The following B3GLCT variants were observed in gnomAD, a reference collection of about 807,000 sequenced individuals.
B3GLCT encodes the protein beta 3-glucosyltransferase.
A neutral mutation model predicts 63.4 loss-of-function variants in B3GLCT; 65 were observed. The observed-to-expected ratio is 1.03, with a 90% CI of 0.84 to 1.26. The LOEUF (loss-of-function observed/expected upper bound fraction) is 1.26, where lower values mean the gene tolerates loss of function less well. Ranked by LOEUF, B3GLCT falls within the 50% of genes most tolerant of loss-of-function variation. The probability of loss-of-function intolerance (pLI) is 0.00; values close to 1 mark genes in which losing one functional copy is unlikely to be tolerated. For synonymous variants in B3GLCT, 233 were observed against 219.2 expected (o/e 1.06, Z -0.55); for missense variants, 577 against 604.8 (o/e 0.95, Z 0.48).
At chr13:31,241,647 C>T (rs1190856946) in intron 4 of B3GLCT, among the ~76,000 whole-genome samples, 1 of 152,176 alleles carries the variant, frequency 6.6e-6, no homozygotes, top group Non-Finnish European at 1.5e-5. Flanking sequence ...GCAAGGAAAG[C>T]TGTGACCCCA....
intron 4 of B3GLCT, among the ~76,000 whole-genome samples, chr13:31,237,409 A>G (rs971143308): frequency 6.4e-5 from 9 of 140,040 alleles, no homozygotes; most frequent in Admixed American, 6.0e-4. Context: ...GCTGGAGTGC[A>G]GTGGTGCGAT....
intron 14 of B3GLCT, among the ~76,000 whole-genome samples, chr13:31,329,261 C>T (rs1875791632): frequency 6.6e-6 from 1 of 152,126 alleles, no homozygotes; most frequent in Non-Finnish European, 1.5e-5. Flanking sequence ...AGAGGCAAGA[C>T]TATGGAACAT....
chr13:31,320,577 G>A lies in B3GLCT; in HGVS notation c.1184+2892G>A, dbSNP rs138929326. 5.2e-3 allele frequency among the ~76,000 whole-genome samples: 790 copies of A among 152,234 alleles called. 5 individuals carry two copies. The highest frequency in any genetic ancestry group is 0.015 in the South Asian group (71 of 4,822). On this transcript the variant is annotated intron_variant, in intron 13 of 14. Transcript: ENST00000343307. ...CTGTTATTTGAATATTTTTATTTGA[G>A]TGTTACCATGGCATGAAAGTCTTTT...
At chr13:31,206,584 CAA>C (rs11322955) in intron 1 of B3GLCT, among the ~76,000 whole-genome samples, 397 of 118,652 alleles carry the variant, frequency 3.3e-3, no homozygotes, top group Middle Eastern at 4.2e-3. Context: ...ACTAAAAATG[CAA>C]AAAAAAAAAA....
intron 10 of B3GLCT, among the ~76,000 whole-genome samples, chr13:31,281,552 T>G (rs1873069842): frequency 6.6e-6 from 1 of 152,172 alleles, no homozygotes; most frequent in Non-Finnish European, 1.5e-5. Context: ...CCCTGGCTGT[T>G]GAATAGCTGA....
chr13:31,241,314 G>A (rs965545526), intron 4 of B3GLCT, among the ~76,000 whole-genome samples: 1 of 152,228 alleles, frequency 6.6e-6, no homozygotes, highest in Admixed American at 6.5e-5. Context: ...GATGAGTATG[G>A]AGCTGGAGAC....
chr13:31,298,782 A>G (rs1398119772), intron 12 of B3GLCT, among the ~76,000 whole-genome samples: 1 of 152,214 alleles, frequency 6.6e-6, no homozygotes, highest in Non-Finnish European at 1.5e-5. Context: ...GTGCAAAGCT[A>G]GTGGGTTATT....
intron 4 of B3GLCT, among the ~76,000 whole-genome samples, chr13:31,244,124 A>G (rs964832174): frequency 6.6e-6 from 1 of 152,234 alleles, no homozygotes; most frequent in Non-Finnish European, 1.5e-5. Context: ...TGTTGATATA[A>G]CATTTTCTTA....
At chr13:31,276,035 G>T (rs187098597) in intron 9 of B3GLCT, among the ~76,000 whole-genome samples, 161 of 152,274 alleles carry the variant, frequency 1.1e-3, no homozygotes, top group Non-Finnish European at 2.1e-3. Context: ...TAATAAAGGG[G>T]TCATGAAGGG....
chr13:31,254,840 A>T (rs1280791491), intron 6 of B3GLCT, among the ~76,000 whole-genome samples: 1 of 152,234 alleles, frequency 6.6e-6, no homozygotes, highest in East Asian at 1.9e-4. Flanking sequence ...TCACAAGGTC[A>T]GGAGTTTGAG....
chr13:31,262,602 T>A (rs1031587902), intron 7 of B3GLCT, among the ~76,000 whole-genome samples: 9 of 69,396 alleles, frequency 1.3e-4, no homozygotes, highest in East Asian at 2.0e-4. Flanking sequence ...AAATACACTT[T>A]GGTTTGCTAC....
chr13:31,221,663 C>T (rs1270995663), intron 2 of B3GLCT, among the ~76,000 whole-genome samples: 1 of 152,170 alleles, frequency 6.6e-6, no homozygotes, highest in South Asian at 2.1e-4. Context: ...CTCTCTCTTC[C>T]CCGAGTGTTG....
chr13:31,252,200 C>G (rs549576511), intron 6 of B3GLCT, among the ~76,000 whole-genome samples: 24 of 152,260 alleles, frequency 1.6e-4, no homozygotes, highest in African/African-American at 4.8e-4. Context: ...GCCTGCCCTG[C>G]AAGAGCTCCT....
chr13:31,331,072 G>T lies in B3GLCT; in HGVS notation c.*1404G>T, dbSNP rs1875897774. 6.6e-6 allele frequency: 1 copy of T among 152,186 alleles called. No individual in the cohort carries two copies. Among genetic ancestry groups the T allele is most frequent in the African/African-American group, 2.4e-5 (1 of 41,434 alleles). 9.4% of individuals were successfully genotyped at this position (152,186 alleles called of 1,614,324 possible). A position where few individuals can be genotyped will look rare whatever the true frequency, so the allele number is the denominator to read the frequency against. The stretch of plus-strand genomic sequence containing the variant: ...GCATTGGATTCAGTTTTGTGAAAAT[G>T]GATTCTGTGGCCATCCAAGGGATGT... On this transcript the variant is annotated 3_prime_UTR_variant, in exon 15 of 15. Transcript: ENST00000343307.
At chr13:31,271,848 A>T (rs1211859127) in intron 8 of B3GLCT, among the ~76,000 whole-genome samples, 1 of 152,062 alleles carries the variant, frequency 6.6e-6, no homozygotes, top group Non-Finnish European at 1.5e-5. Context: ...TGCTTTTTAT[A>T]CTCTAAGGCT....
chr13:31,274,548 C>T lies in B3GLCT; in HGVS notation c.700C>T (p.Leu234=), dbSNP rs751610730. The T allele has an allele frequency of 1.1e-5, 17 of 1,614,090 alleles. No homozygotes were observed. The highest frequency in any genetic ancestry group is 1.3e-5 in the Non-Finnish European group (15 of 1,180,042). Residue 234 remains leucine (L), a synonymous_variant, in exon 9 of 15, where the codon CTG becomes TTG. Transcript: ENST00000343307. The stretch of plus-strand genomic sequence containing the variant: ...CTGGGACAAAGGCGGAGGACCTCCC[C>T]TGACCCCAGTGCCTGAGTTTTGTAC... ...YIWDKGGGPP[L]TPVPEFCTND...
intron 4 of B3GLCT, among the ~76,000 whole-genome samples, chr13:31,242,670 G>A (rs572261755): frequency 6.6e-6 from 1 of 152,278 alleles, no homozygotes; most frequent in South Asian, 2.1e-4. Flanking sequence ...CTTAAATACT[G>A]AGCTTTACAG....
intron 10 of B3GLCT, among the ~76,000 whole-genome samples, chr13:31,281,567 C>G (rs1375846791): frequency 6.6e-6 from 1 of 152,102 alleles, no homozygotes; most frequent in Non-Finnish European, 1.5e-5. Context: ...AGCTGATGTT[C>G]CAGATTGCCC....
At chr13:31,200,965 G>A (rs1347710338) in intron 1 of B3GLCT, among the ~76,000 whole-genome samples, 1 of 149,096 alleles carries the variant, frequency 6.7e-6, no homozygotes, top group Non-Finnish European at 1.5e-5. Context: ...TTTTCTCCTC[G>A]CAAGGGCATT....
Sources: gnomAD v4.1 joint callset for allele counts (sites outside exome capture counted in the v4.1 genomes callset) on GRCh38, gnomAD v4.1.1 for gene constraint, MANE v1.5 for transcripts, NCBI Gene and HGNC (gene_info 2026-07-23, HGNC 2026-07-21) for gene names.